Variants in COL4A2 observed in about 807,000 individuals in gnomAD.
The protein encoded by COL4A2 is collagen alpha-2(IV) chain.
Under a neutral mutation model 200.2 loss-of-function variants are expected in COL4A2, and 99 were observed. The observed-to-expected ratio is 0.49, with a 90% CI of 0.42 to 0.58. COL4A2 has a LOEUF of 0.58. Ranked by LOEUF, COL4A2 falls within the 20% of genes least tolerant of loss-of-function variation. The pLI is 0.00. For synonymous variants in COL4A2, 897 were observed against 900.6 expected (o/e 1.00, Z 0.07); for missense variants, 1,950 against 2,314.1 (o/e 0.84, Z 3.23).
At chr13:110,420,600 A>G (rs1039081915) in intron 4 of COL4A2, among the ~76,000 whole-genome samples, 1 of 152,196 alleles carries the variant, frequency 6.6e-6, no homozygotes, top group African/African-American at 2.4e-5. Flanking sequence ...TCTGGGAGTA[A>G]TTTTTATTTT....
Position 110,499,586 on chromosome 13 carries a change from C to T in COL4A2, c.3761-2082C>T, listed in dbSNP as rs970672516. ...GCTCACTGAAGCTAGAGTCTGCAAC[C>T]TCACCTATTTCTGCAGCTGACATTC... On this transcript the variant is annotated intron_variant, in intron 40 of 47. Coordinates refer to ENST00000360467, the MANE Select transcript of COL4A2 (RefSeq NM_001846.4). 2.0e-5 allele frequency among the ~76,000 whole-genome samples: 3 copies of T among 152,342 alleles called. No homozygotes were observed. The South Asian group carries it at 6.2e-4, about 32-fold the overall frequency.
chr13:110,457,428 G>C lies in COL4A2; in HGVS notation c.1425G>C (p.Gly475=), dbSNP rs778530447. The part of the protein sequence containing the change: ...PGSPGARGPK[G]WKGDAGECRC... ...CCCCTGGAGCCCGCGGACCAAAGGG[G>C]TGGAAAGGTAAGAACATCTGGGAGG... Residue 475 remains glycine (G), a synonymous_variant, in exon 21 of 48, where the codon GGG becomes GGC. Coordinates refer to ENST00000360467, the MANE Select transcript of COL4A2 (RefSeq NM_001846.4). The C allele has an allele frequency of 1.3e-6, 2 of 1,598,070 alleles. No homozygotes were observed. Among genetic ancestry groups the C allele is most frequent in the African/African-American group, 2.7e-5 (2 of 74,580 alleles).
chr13:110,410,949 C>T (rs1879806640), intron 4 of COL4A2, among the ~76,000 whole-genome samples: 2 of 152,204 alleles, frequency 1.3e-5, no homozygotes, highest in Non-Finnish European at 2.9e-5. Flanking sequence ...TGTTAAATCA[C>T]TTCGGTTTGT....
At chr13:110,469,655 T>A (rs1203661386) in intron 28 of COL4A2, among the ~76,000 whole-genome samples, 1 of 152,146 alleles carries the variant, frequency 6.6e-6, no homozygotes, top group Non-Finnish European at 1.5e-5. Flanking sequence ...CACAAAGTTA[T>A]CCTCTCCTGA....
At position 110,319,181 on chromosome 13, in the gene COL4A2, T is replaced by A. The variant is rs1408163549; in HGVS notation, c.99+11058T>A. Among the ~76,000 whole-genome samples the A allele has an allele frequency of 6.6e-5, 10 of 152,176 alleles. No individual in the cohort carries two copies. In the South Asian group the frequency reaches 2.1e-3, roughly 32 times the overall value. On this transcript the variant is annotated intron_variant, in intron 3 of 47. Coordinates refer to ENST00000360467, the MANE Select transcript of COL4A2 (RefSeq NM_001846.4). ...CCTGGAGTGCTGAGACCCTGGTGGCTCTGAGCAGATGGCCGCTGAGTGAGA... is the reference window on the plus strand; with the variant it reads ...CCTGGAGTGCTGAGACCCTGGTGGCACTGAGCAGATGGCCGCTGAGTGAGA...
At chr13:110,436,219 G>A (rs778566478) in intron 12 of COL4A2, 50 bp from the exon 13 acceptor site, 7 of 1,611,152 alleles carry the variant, frequency 4.3e-6, no homozygotes, top group African/African-American at 1.3e-5. Flanking sequence ...TTCGAGTTTT[G>A]TAGTTTCCTT....
chr13:110,462,780 T>C (rs1356528287), intron 24 of COL4A2, among the ~76,000 whole-genome samples: 2 of 152,156 alleles, frequency 1.3e-5, no homozygotes, highest in Non-Finnish European at 2.9e-5. Flanking sequence ...GGCTACCTAG[T>C]AGCCTGCAGA....
chr13:110,408,667 CAG>C (rs1247479797), intron 4 of COL4A2, among the ~76,000 whole-genome samples: 1 of 152,174 alleles, frequency 6.6e-6, no homozygotes, highest in African/African-American at 2.4e-5. Context: ...GGCGTGGACA[CAG>C]AGAGAAAGCG....
chr13:110,487,721 A>G (rs1001848529), intron 34 of COL4A2, among the ~76,000 whole-genome samples: 8 of 152,200 alleles, frequency 5.3e-5, no homozygotes, highest in Non-Finnish European at 1.0e-4. Context: ...ATAAACCAGA[A>G]ACAGAAAAGT....
intron 4 of COL4A2, among the ~76,000 whole-genome samples, chr13:110,393,069 G>A (rs774993142): frequency 5.9e-5 from 9 of 152,142 alleles, no homozygotes; most frequent in African/African-American, 2.4e-5. Context: ...CCCTGGTGTC[G>A]CCCACCTGGG....
intron 4 of COL4A2, among the ~76,000 whole-genome samples, chr13:110,397,946 C>T (rs555242625): frequency 6.6e-6 from 1 of 152,286 alleles, no homozygotes; most frequent in Non-Finnish European, 1.5e-5. Context: ...TTAAGAGCAG[C>T]TGTATCGTAT....
At chr13:110,343,328 C>T (rs1275131194) in intron 3 of COL4A2, among the ~76,000 whole-genome samples, 1 of 152,150 alleles carries the variant, frequency 6.6e-6, no homozygotes, top group Non-Finnish European at 1.5e-5. Flanking sequence ...CAGGAGTAGG[C>T]GTCTGCTGTG....
chr13:110,375,829 CA>C lies in COL4A2; in HGVS notation c.180+18290del, dbSNP rs112359356. ...TGGATGACAGAGTGAGACTCTGTCT[CA>C]AAAAAAAAAAAATTGACAGAGAAAA... On this transcript the variant is annotated intron_variant, in intron 4 of 47. Coordinates refer to ENST00000360467, the MANE Select transcript of COL4A2 (RefSeq NM_001846.4). 1.4e-3 allele frequency among the ~76,000 whole-genome samples: 188 copies of C among 137,212 alleles called. 2 individuals are homozygous for C. Among genetic ancestry groups the C allele is most frequent in the Middle Eastern group, 3.8e-3 (1 of 260 alleles). The allele number at this position is 137,212 out of a possible 152,430, so 90.0% of individuals were successfully genotyped here.
chr13:110,319,515 C>T (rs1053533058), intron 3 of COL4A2, among the ~76,000 whole-genome samples: 9 of 152,132 alleles, frequency 5.9e-5, no homozygotes, highest in African/African-American at 2.2e-4. Context: ...AGATTCCCTC[C>T]ATACCATTTC....
At chr13:110,422,224 G>A (rs1173241998) in intron 4 of COL4A2, among the ~76,000 whole-genome samples, 1 of 152,210 alleles carries the variant, frequency 6.6e-6, no homozygotes, top group Non-Finnish European at 1.5e-5. Context: ...GAAGGTTATA[G>A]TCTAGCATAG....
chr13:110,491,660 A>G (rs1883288498), intron 37 of COL4A2, among the ~76,000 whole-genome samples: 1 of 152,142 alleles, frequency 6.6e-6, no homozygotes, highest in South Asian at 2.1e-4. Context: ...AGAAACCCCT[A>G]TGAACATCCT....
intron 18 of COL4A2, among the ~76,000 whole-genome samples, chr13:110,448,836 CT>C (rs1881425703): frequency 6.6e-6 from 1 of 152,188 alleles, no homozygotes; most frequent in Non-Finnish European, 1.5e-5. Flanking sequence ...TGGAGATGGA[CT>C]TGGCTGCTTT....
intron 4 of COL4A2, among the ~76,000 whole-genome samples, chr13:110,422,184 A>C (rs993047704): frequency 2.6e-5 from 4 of 152,238 alleles, no homozygotes; most frequent in African/African-American, 9.6e-5. Context: ...AGGGGAGCGT[A>C]GAGCTTCGTG....
intron 24 of COL4A2, among the ~76,000 whole-genome samples, chr13:110,462,834 C>T (rs879165218): frequency 1.3e-4 from 20 of 152,270 alleles, no homozygotes; most frequent in Middle Eastern, 3.4e-3. Flanking sequence ...GTCAGAGGCG[C>T]GGGAGGCAGC....
Sources: gnomAD v4.1 joint callset for allele counts (sites outside exome capture counted in the v4.1 genomes callset) on GRCh38, gnomAD v4.1.1 for gene constraint, MANE v1.5 for transcripts, NCBI Gene and HGNC (gene_info 2026-07-23, HGNC 2026-07-21) for gene names.